HADH: variants seen among roughly 807,000 people sequenced by gnomAD.
HADH encodes hydroxyacyl-CoA dehydrogenase.
Under a neutral mutation model 32.2 loss-of-function variants are expected in HADH, and 24 were observed. The ratio of observed to expected loss-of-function variants is 0.75; its 90% CI spans 0.54 to 1.05. The LOEUF is 1.05. Among genes scored for constraint, HADH ranks in the 50% least tolerant of loss-of-function variants. The probability of loss-of-function intolerance (pLI) is 0.00; values close to 1 mark genes in which losing one functional copy is unlikely to be tolerated. For missense variants in HADH, 350 were observed against 397.1 expected, an observed-to-expected ratio of 0.88 and a Z score of 1.01; for synonymous variants, 139 against 152.5, an observed-to-expected ratio of 0.91 and a Z score of 0.65.
intron 3 of HADH, among the ~76,000 whole-genome samples, chr4:108,016,759 G>C (rs1398993100): frequency 1.3e-5 from 2 of 152,224 alleles, no homozygotes; most frequent in Non-Finnish European, 2.9e-5. Flanking sequence ...TTCGTCATCT[G>C]TAATGCAAGT....
chr4:108,012,230 A>G (rs545164449), intron 2 of HADH, among the ~76,000 whole-genome samples: 2 of 151,846 alleles, frequency 1.3e-5, no homozygotes, highest in Non-Finnish European at 2.9e-5. Context: ...TTTTTCCCCA[A>G]TGTCTAGGTG....
At chr4:108,022,295 G>A (rs1735920546) in intron 4 of HADH, among the ~76,000 whole-genome samples, 1 of 149,970 alleles carries the variant, frequency 6.7e-6, no homozygotes, top group Non-Finnish European at 1.5e-5. Context: ...TACTTCATCT[G>A]GTTCTTTCCA....
At chr4:107,992,160 T>C (rs370685372) in intron 1 of HADH, among the ~76,000 whole-genome samples, 1 of 152,174 alleles carries the variant, frequency 6.6e-6, no homozygotes, top group African/African-American at 2.4e-5. Flanking sequence ...ATCAAACTCT[T>C]AAATAGGTGG....
At chr4:107,994,717 CTGTT>C (rs973765150) in intron 1 of HADH, among the ~76,000 whole-genome samples, 1 of 152,106 alleles carries the variant, frequency 6.6e-6, no homozygotes. Flanking sequence ...TGAGATGTGT[CTGTT>C]TGTTATGAAG....
At chr4:108,011,414 G>A (rs550317648) in intron 2 of HADH, among the ~76,000 whole-genome samples, 2 of 152,316 alleles carry the variant, frequency 1.3e-5, no homozygotes, top group East Asian at 1.9e-4. Flanking sequence ...GCAGGCAAGA[G>A]GGAGAGCATG....
At chr4:107,997,833 G>A (rs1735001265) in intron 1 of HADH, among the ~76,000 whole-genome samples, 1 of 152,052 alleles carries the variant, frequency 6.6e-6, no homozygotes, top group Non-Finnish European at 1.5e-5. Flanking sequence ...AGAAGAAGAA[G>A]GCCTTTCTTT....
rs1735626077 is a variant in HADH, at chr4:108,014,546, T to C, written c.377T>C (p.Val126Ala). 2 of 1,613,556 alleles carry C rather than the reference T, an allele frequency of 1.2e-6. No individual in the cohort carries two copies. Among genetic ancestry groups the C allele is most frequent in the East Asian group, 4.5e-5 (2 of 44,884 alleles). The change falls in exon 3 of 8, where the codon GTG (valine) becomes GCG (alanine). Residue 126 changes from valine (V) to alanine (A), a missense_variant. Transcript: ENST00000309522. ...VVEAIVENLKVKNELFKRLDK... is the reference protein window; with the variant it reads ...VVEAIVENLKAKNELFKRLDK... ...GAAGCCATCGTGGAGAATCTGAAGG[T>C]GAAAAACGAGCTCTTCAAAAGGCTG...
chr4:107,994,820 A>G (rs1024885339), intron 1 of HADH, among the ~76,000 whole-genome samples: 4 of 152,192 alleles, frequency 2.6e-5, no homozygotes, highest in Admixed American at 2.6e-4. Flanking sequence ...ACCACCCTCT[A>G]TTAGCATATT....
chr4:108,003,323 C>T (rs1460962999), intron 1 of HADH, among the ~76,000 whole-genome samples: 1 of 152,108 alleles, frequency 6.6e-6, no homozygotes, highest in African/African-American at 2.4e-5. Context: ...CGAACTTTCT[C>T]CGTCAAGTCC....
intron 1 of HADH, among the ~76,000 whole-genome samples, chr4:108,002,538 GAAAT>G (rs1735149751): frequency 6.6e-6 from 1 of 152,120 alleles, no homozygotes; most frequent in Non-Finnish European, 1.5e-5. Flanking sequence ...AATAATAATA[GAAAT>G]AAAGTGCACA....
intron 2 of HADH, among the ~76,000 whole-genome samples, chr4:108,013,170 A>G (rs1735562747): frequency 6.6e-6 from 1 of 152,300 alleles, no homozygotes; most frequent in South Asian, 2.1e-4. Flanking sequence ...TAACCTCGTG[A>G]TCCGCCTGCC....
At chr4:108,024,767 T>C (rs745757192) in intron 5 of HADH, 12 of 152,232 alleles carry the variant, frequency 7.9e-5, no homozygotes, top group Non-Finnish European at 1.8e-4. Flanking sequence ...CAAAAAGATA[T>C]GGAAACAGAA....
chr4:108,032,402 GA>G, intron 6 of HADH: 1 of 1,501,256 alleles, frequency 6.7e-7, no homozygotes, highest in Non-Finnish European at 9.2e-7. Flanking sequence ...AGGTTTGTGT[GA>G]AATGTGATGC....
chr4:107,995,616 C>A (rs1436933597), intron 1 of HADH, among the ~76,000 whole-genome samples: 5 of 152,110 alleles, frequency 3.3e-5, no homozygotes, highest in Non-Finnish European at 5.9e-5. Flanking sequence ...TTATTCTGTT[C>A]AAAGAATTTT....
At chr4:108,030,252 C>T (rs1335572982) in intron 6 of HADH, 2 of 152,596 alleles carry the variant, frequency 1.3e-5, no homozygotes, top group African/African-American at 4.8e-5. Context: ...GTTGCCCCAC[C>T]TGAGTGTCTG....
intron 1 of HADH, among the ~76,000 whole-genome samples, chr4:107,991,166 T>A (rs188093694): frequency 0.021 from 3,175 of 148,050 alleles, 59 homozygotes; most frequent in Admixed American, 0.052. Context: ...TTTTTTTTTT[T>A]AAAAATTATT....
chr4:108,023,082 C>T (rs1435096483), intron 4 of HADH, among the ~76,000 whole-genome samples: 4 of 151,432 alleles, frequency 2.6e-5, no homozygotes, highest in Non-Finnish European at 5.9e-5. Context: ...CAACCTCCAC[C>T]TCCCAGGTTC....
chr4:108,014,397 G>T (rs17038398), intron 2 of HADH, 34 bp from the exon 3 acceptor site: 3 of 1,613,448 alleles, frequency 1.9e-6, no homozygotes, highest in Admixed American at 3.3e-5. Context: ...CAGTGAGCCC[G>T]GTGAATGTTC....
At chr4:108,013,861 C>A (rs913934839) in intron 2 of HADH, among the ~76,000 whole-genome samples, 2 of 151,852 alleles carry the variant, frequency 1.3e-5, no homozygotes, top group Admixed American at 6.6e-5. Context: ...TAGAATATTT[C>A]TGTATAACAG....
Sources: gnomAD v4.1 joint callset for allele counts (sites outside exome capture counted in the v4.1 genomes callset) on GRCh38, gnomAD v4.1.1 for gene constraint, MANE v1.5 for transcripts, NCBI Gene and HGNC (gene_info 2026-07-23, HGNC 2026-07-21) for gene names.